The following ROBO2 variants were observed in gnomAD, a reference collection of about 807,000 sequenced individuals.
ROBO2 encodes roundabout guidance receptor 2.
In ROBO2, 53 loss-of-function variants were observed where a neutral mutation model predicts 160.8. That is an observed-to-expected ratio of 0.33 (90% CI 0.26 to 0.41). The LOEUF (loss-of-function observed/expected upper bound fraction) is 0.41, where lower values mean the gene tolerates loss of function less well. Among genes scored for constraint, ROBO2 ranks in the 10% least tolerant of loss-of-function variants. The pLI is 1.00. For missense variants in ROBO2, 1,577 were observed against 1,722.4 expected (o/e 0.92, Z 1.49); for synonymous variants, 664 against 611.7 (o/e 1.09, Z -1.26).
intron 2 of ROBO2, among the ~76,000 whole-genome samples, chr3:76,447,688 T>C (rs1293393803): frequency 2.6e-5 from 4 of 151,186 alleles, no homozygotes; most frequent in African/African-American, 7.3e-5. Flanking sequence ...GTGGCACATA[T>C]ACACCATGGA....
intron 2 of ROBO2, among the ~76,000 whole-genome samples, chr3:76,978,913 T>C (rs1377385925): frequency 1.3e-5 from 2 of 151,298 alleles, no homozygotes; most frequent in African/African-American, 4.9e-5. Context: ...AGTGCAGTTT[T>C]AGAGTTTTTT....
At chr3:76,850,042 C>A (rs1402207714) in intron 2 of ROBO2, among the ~76,000 whole-genome samples, 2 of 152,044 alleles carry the variant, frequency 1.3e-5, no homozygotes, top group Non-Finnish European at 2.9e-5. Flanking sequence ...TAAAACTTAG[C>A]CAGATGTGGT....
At chr3:76,539,115 G>A (rs543723153) in intron 2 of ROBO2, among the ~76,000 whole-genome samples, 8 of 152,138 alleles carry the variant, frequency 5.3e-5, no homozygotes, top group East Asian at 1.9e-4. Context: ...AACACTGCAC[G>A]TTCTCACTCA....
intron 2 of ROBO2, among the ~76,000 whole-genome samples, chr3:76,079,060 C>A (rs1276172693): frequency 6.6e-6 from 1 of 152,058 alleles, no homozygotes; most frequent in Non-Finnish European, 1.5e-5. Context: ...ACAGAATGAC[C>A]AATATCTCAT....
intron 2 of ROBO2, among the ~76,000 whole-genome samples, chr3:76,828,213 C>G (rs1559565120): frequency 1.3e-5 from 2 of 152,082 alleles, no homozygotes; most frequent in African/African-American, 4.8e-5. Context: ...GTTTCTATGT[C>G]ACTGTGTGGT....
At chr3:77,227,645 G>C (rs2086645967) in intron 2 of ROBO2, among the ~76,000 whole-genome samples, 1 of 152,230 alleles carries the variant, frequency 6.6e-6, no homozygotes, top group Non-Finnish European at 1.5e-5. Flanking sequence ...GATTCTGCCA[G>C]AGACAGTGTC....
chr3:77,191,718 C>T (rs1321801307), intron 2 of ROBO2, among the ~76,000 whole-genome samples: 1 of 152,148 alleles, frequency 6.6e-6, no homozygotes, highest in Non-Finnish European at 1.5e-5. Context: ...GAGAACTGAC[C>T]AATATTGGTT....
intron 2 of ROBO2, among the ~76,000 whole-genome samples, chr3:76,790,123 T>C (rs1298224812): frequency 6.6e-6 from 1 of 151,714 alleles, no homozygotes; most frequent in Non-Finnish European, 1.5e-5. Flanking sequence ...ATTAGTCTCA[T>C]ACTGCTGAAT....
chr3:76,695,721 G>T (rs1051944319), intron 2 of ROBO2, among the ~76,000 whole-genome samples: 2 of 152,016 alleles, frequency 1.3e-5, no homozygotes, highest in Non-Finnish European at 1.5e-5. Context: ...TCAGAGGGAG[G>T]TACCACTCGT....
At chr3:76,524,750 T>C (rs1287713947) in intron 2 of ROBO2, among the ~76,000 whole-genome samples, 2 of 143,178 alleles carry the variant, frequency 1.4e-5, no homozygotes, top group Non-Finnish European at 3.0e-5. Context: ...CCCTCACTTT[T>C]CAAATGGTAG....
intron 2 of ROBO2, among the ~76,000 whole-genome samples, chr3:76,302,172 G>C (rs574743926): frequency 1.3e-5 from 2 of 152,050 alleles, no homozygotes; most frequent in Admixed American, 1.3e-4. Context: ...ACAGCTATTT[G>C]TACAGCAATT....
At chr3:75,979,068 G>A (rs535153525) in intron 2 of ROBO2, among the ~76,000 whole-genome samples, 13 of 151,668 alleles carry the variant, frequency 8.6e-5, no homozygotes, top group African/African-American at 3.1e-4. Flanking sequence ...CGATGCATAT[G>A]TAAGATCAAC....
chr3:77,602,961 T>C (rs913804755), intron 20 of ROBO2: 3 of 456,864 alleles, frequency 6.6e-6, no homozygotes, highest in Middle Eastern at 3.2e-4. Flanking sequence ...TGACTACCGA[T>C]TGGCTGAGGG....
At chr3:76,325,917 CA>C (rs71277584) in intron 2 of ROBO2, among the ~76,000 whole-genome samples, 10,409 of 152,084 alleles carry the variant, frequency 0.068, 436 homozygotes, top group African/African-American at 0.12. Flanking sequence ...GAGAATTATT[CA>C]AGATTCCATT....
At chr3:75,993,681 T>A (rs2107525059) in intron 2 of ROBO2, among the ~76,000 whole-genome samples, 1 of 152,308 alleles carries the variant, frequency 6.6e-6, no homozygotes, top group African/African-American at 2.4e-5. Flanking sequence ...GAGTTTCTTG[T>A]CATTAAGCAG....
At chr3:76,094,698 T>C (rs924589269) in intron 2 of ROBO2, among the ~76,000 whole-genome samples, 3 of 152,170 alleles carry the variant, frequency 2.0e-5, no homozygotes, top group Non-Finnish European at 4.4e-5. Flanking sequence ...TCATTCTTCC[T>C]CTATCATCAA....
At chr3:76,830,900 G>C (rs902549795) in intron 2 of ROBO2, among the ~76,000 whole-genome samples, 5 of 151,954 alleles carry the variant, frequency 3.3e-5, no homozygotes, top group Non-Finnish European at 5.9e-5. Context: ...GAAGTGGGAG[G>C]ATAGTTTGAG....
At chr3:76,529,713 T>C (rs2082125098) in intron 2 of ROBO2, among the ~76,000 whole-genome samples, 1 of 152,176 alleles carries the variant, frequency 6.6e-6, no homozygotes, top group South Asian at 2.1e-4. Flanking sequence ...TCTTGATAAT[T>C]TAAGATATCA....
At chr3:76,566,047 C>T (rs929210688) in intron 2 of ROBO2, among the ~76,000 whole-genome samples, 1 of 152,160 alleles carries the variant, frequency 6.6e-6, no homozygotes, top group Non-Finnish European at 1.5e-5. Context: ...AAATCAAAGT[C>T]TCTTCTCCAG....
Sources: allele counts gnomAD v4.1 joint callset (sites outside exome capture counted in the v4.1 genomes callset), GRCh38; gene constraint gnomAD v4.1.1; transcripts MANE v1.5; gene names NCBI Gene and HGNC (gene_info 2026-07-23, HGNC 2026-07-21).